Variants in AK5 observed in about 807,000 individuals in gnomAD.
The protein encoded by AK5 is adenylate kinase isoenzyme 5.
In AK5, 27 loss-of-function variants were observed where a neutral mutation model predicts 69.5. The ratio of observed to expected loss-of-function variants is 0.39; its 90% CI spans 0.29 to 0.54. The LOEUF (loss-of-function observed/expected upper bound fraction) is 0.54, where lower values mean the gene tolerates loss of function less well. Ranked by LOEUF, AK5 falls within the 20% of genes least tolerant of loss-of-function variation. The pLI, the probability that AK5 is intolerant of heterozygous loss-of-function variation, is 0.71. For synonymous variants in AK5, 260 were observed against 244.4 expected (o/e 1.06, Z -0.60); for missense variants, 531 against 700.4 (o/e 0.76, Z 2.73).
At chr1:77,505,006 G>A (rs1334725252) in intron 10 of AK5, among the ~76,000 whole-genome samples, 4 of 151,552 alleles carry the variant, frequency 2.6e-5, no homozygotes, top group Non-Finnish European at 5.9e-5. Flanking sequence ...TTTCTCTTAC[G>A]GTAAAATTCA....
At chr1:77,369,135 A>C (rs1248498209) in intron 6 of AK5, among the ~76,000 whole-genome samples, 1 of 152,312 alleles carries the variant, frequency 6.6e-6, no homozygotes, top group Non-Finnish European at 1.5e-5. Context: ...AAAATGTTTT[A>C]TAAAAAATTA....
intron 13 of AK5, among the ~76,000 whole-genome samples, chr1:77,554,905 C>T (rs988279212): frequency 6.6e-6 from 1 of 151,962 alleles, no homozygotes; most frequent in Non-Finnish European, 1.5e-5. Context: ...CGTGAGCCAC[C>T]ATGCCCAGCC....
intron 10 of AK5, among the ~76,000 whole-genome samples, chr1:77,501,286 G>A (rs1656702978): frequency 6.6e-6 from 1 of 152,228 alleles, no homozygotes. Context: ...GAGCTGGTGA[G>A]CAGGGCAGGC....
chr1:77,550,992 C>T (rs1659795325), intron 13 of AK5, among the ~76,000 whole-genome samples: 1 of 152,186 alleles, frequency 6.6e-6, no homozygotes, highest in African/African-American at 2.4e-5. Context: ...GCCTGGCCAA[C>T]ATGGTGAAAC....
intron 8 of AK5, among the ~76,000 whole-genome samples, chr1:77,433,560 C>G (rs954717863): frequency 3.1e-4 from 46 of 149,692 alleles, no homozygotes; most frequent in African/African-American, 1.1e-3. Context: ...AGAACAGATT[C>G]TTATCAAACT....
intron 8 of AK5, among the ~76,000 whole-genome samples, chr1:77,460,233 A>G (rs1157731955): frequency 6.6e-6 from 1 of 152,262 alleles, no homozygotes; most frequent in African/African-American, 2.4e-5. Context: ...AAATTAAGCA[A>G]AGGTGTAGAT....
At chr1:77,438,355 A>T (rs1652102830) in intron 8 of AK5, among the ~76,000 whole-genome samples, 1 of 147,734 alleles carries the variant, frequency 6.8e-6, no homozygotes, top group African/African-American at 2.5e-5. Context: ...AACGCCTAAG[A>T]TGGCCATTGG....
At chr1:77,518,793 A>G (rs988444298) in intron 11 of AK5, 66 bp downstream of exon 11, 1 of 1,502,036 alleles carries the variant, frequency 6.7e-7, no homozygotes, top group Non-Finnish European at 9.1e-7. Context: ...GGGTTTTTGT[A>G]ATGAATCTGA....
At chr1:77,497,697 C>T (rs1656428137) in intron 10 of AK5, among the ~76,000 whole-genome samples, 1 of 146,974 alleles carries the variant, frequency 6.8e-6, no homozygotes, top group Non-Finnish European at 1.5e-5. Context: ...AGGTGATCCT[C>T]CCACCTCGGC....
chr1:77,298,737 G>C (rs1473582965), intron 5 of AK5, among the ~76,000 whole-genome samples: 3 of 151,970 alleles, frequency 2.0e-5, no homozygotes, highest in Non-Finnish European at 1.5e-5. Flanking sequence ...GAGAGACTGA[G>C]AGGCAGGAGA....
intron 8 of AK5, among the ~76,000 whole-genome samples, chr1:77,455,728 T>C (rs1360767858): frequency 1.3e-5 from 2 of 152,178 alleles, no homozygotes; most frequent in African/African-American, 4.8e-5. Flanking sequence ...TTACCCTAGC[T>C]GCACATTAGA....
At chr1:77,374,601 C>T (rs1647189763) in intron 6 of AK5, among the ~76,000 whole-genome samples, 2 of 151,980 alleles carry the variant, frequency 1.3e-5, no homozygotes, top group African/African-American at 4.8e-5. Flanking sequence ...GGAAAGATCA[C>T]ATCAGGCCAG....
chr1:77,552,062 A>G (rs1387689116), intron 13 of AK5, among the ~76,000 whole-genome samples: 1 of 152,174 alleles, frequency 6.6e-6, no homozygotes, highest in African/African-American at 2.4e-5. Flanking sequence ...CTGCTAAATC[A>G]CTTTAGCAAG....
intron 5 of AK5, among the ~76,000 whole-genome samples, chr1:77,301,143 A>G (rs1659318561): frequency 6.6e-6 from 1 of 152,216 alleles, no homozygotes; most frequent in Non-Finnish European, 1.5e-5. Context: ...CTTCTTTTGG[A>G]ATAGTCTCCA....
At chr1:77,530,701 CTAT>C (rs1481663161) in intron 12 of AK5, among the ~76,000 whole-genome samples, 3 of 152,112 alleles carry the variant, frequency 2.0e-5, no homozygotes, top group East Asian at 3.9e-4. Context: ...GAGTCAAATA[CTAT>C]TATTATCCTC....
At chr1:77,486,788 T>C (rs181814251) in intron 10 of AK5, among the ~76,000 whole-genome samples, 3 of 152,338 alleles carry the variant, frequency 2.0e-5, no homozygotes, top group African/African-American at 7.2e-5. Flanking sequence ...CCCCAAGTTT[T>C]CCGGTTATTT....
chr1:77,365,643 C>G (rs909325092), intron 6 of AK5, among the ~76,000 whole-genome samples: 2 of 152,290 alleles, frequency 1.3e-5, no homozygotes, highest in East Asian at 3.9e-4. Flanking sequence ...CATGTGCAGT[C>G]CACAATAGGG....
At chr1:77,340,035 A>G (rs555353756) in intron 5 of AK5, among the ~76,000 whole-genome samples, 3 of 152,346 alleles carry the variant, frequency 2.0e-5, no homozygotes, top group Admixed American at 1.3e-4. Flanking sequence ...TCTGTGGCCC[A>G]GTAGTTCCTC....
In AK5 at chr1:77,559,266, A is replaced by AAGAT. The variant is rs1175546116; in HGVS notation, c.*597_*600dup. 4.6e-5 allele frequency: 7 copies of AAGAT among 152,198 alleles called. No homozygotes were observed. The highest frequency in any genetic ancestry group is 9.7e-5 in the African/African-American group (4 of 41,436). The allele number at this position is 152,198 out of a possible 1,614,324, so 9.4% of individuals were successfully genotyped here. On this transcript the variant is annotated 3_prime_UTR_variant, in exon 14 of 14. Coordinates refer to ENST00000354567, the MANE Select transcript of AK5 (RefSeq NM_174858.3). ...AATTTGACAGAAATTTTAAAATATG[A>AAGAT]AGATGTATAGCTTTCCCAAGATGAT... is the stretch of plus-strand genomic sequence containing the variant.
Sources: gnomAD v4.1 joint callset for allele counts (sites outside exome capture counted in the v4.1 genomes callset) on GRCh38, gnomAD v4.1.1 for gene constraint, MANE v1.5 for transcripts, NCBI Gene and HGNC (gene_info 2026-07-23, HGNC 2026-07-21) for gene names.